DLG3: variants seen among roughly 807,000 people sequenced by gnomAD.
DLG3 encodes the protein discs large MAGUK scaffold protein 3, also known as disks large homolog 3.
In DLG3, 1 loss-of-function variant was observed where a neutral mutation model predicts 64.1. The ratio of observed to expected loss-of-function variants is 0.02; its 90% confidence interval spans 0.01 to 0.07. The LOEUF (loss-of-function observed/expected upper bound fraction) is 0.07. DLG3 is among the 10% of genes least tolerant of loss of function. The probability of loss-of-function intolerance (pLI) is 1.00; values close to 1 mark genes in which losing one functional copy is unlikely to be tolerated. For synonymous variants in DLG3, 245 were observed against 259.8 expected (o/e 0.94, Z 0.55); for missense variants, 429 against 669.5 (o/e 0.64, Z 3.96).
intron 7 of DLG3, chrX:70,452,826 C>T (rs2086639386): frequency 2.0e-6 from 2 of 1,008,785 alleles, no homozygotes; most frequent in East Asian, 6.4e-5. Flanking sequence ...AGACTGGGAG[C>T]AAGAAAGGAA....
At chrX:70,466,154 G>A (rs2086880292) in intron 9 of DLG3, among the ~76,000 whole-genome samples, 1 of 110,282 alleles carries the variant, frequency 9.1e-6, no homozygotes. Context: ...AATTTGATAG[G>A]TTAAAAATGT....
rs1273558251 is a variant in DLG3 at position 70,502,375 on chromosome X, G to A, written c.*106G>A. On this transcript the variant is annotated 3_prime_UTR_variant, in exon 19 of 19. Coordinates refer to ENST00000374360, the MANE Select transcript of DLG3 (RefSeq NM_021120.4). ...GGGGAGAACAAATGCTACTGTTCTT[G>A]TCCCCTTTTTTAGATATGTCAAAAA... is the stretch of plus-strand genomic sequence containing the variant. The A allele has an allele frequency of 1.2e-5, 7 of 568,915 alleles. No individual in the cohort carries two copies. Among genetic ancestry groups the A allele is most frequent in the Non-Finnish European group, 1.4e-5 (5 of 348,203 alleles). The allele number at this position is 568,915 out of a possible 1,213,427, so 46.9% of individuals were successfully genotyped here. A position where few individuals can be genotyped will look rare whatever the true frequency, so the allele number is the denominator to read the frequency against.
chrX:70,451,863 C>T lies in DLG3; in HGVS notation c.986-4C>T, dbSNP rs2086622091. On this transcript the variant is annotated splice_region_variant and splice_polypyrimidine_tract_variant and intron_variant, in intron 6 of 18. Coordinates refer to ENST00000374360, the MANE Select transcript of DLG3 (RefSeq NM_021120.4). The stretch of plus-strand genomic sequence containing the variant: ...GAACTTTTCTCTCCCTTTCTTGATT[C>T]CAGCTTTTACTGCCTTGGCTGACAA... 2.5e-6 allele frequency: 3 copies of T among 1,211,197 alleles called. No individual in the cohort carries two copies. Among genetic ancestry groups the T allele is most frequent in the Non-Finnish European group, 3.4e-6 (3 of 895,367 alleles).
intron 9 of DLG3, among the ~76,000 whole-genome samples, chrX:70,476,525 A>G (rs1410384010): frequency 8.9e-6 from 1 of 112,260 alleles, no homozygotes; most frequent in Non-Finnish European, 1.9e-5. Context: ...ATCTAAGTCT[A>G]TTCTAAACAG....
In DLG3 at chrX:70,469,911, A is replaced by C. The variant is rs199898646; in HGVS notation, c.1406-9239A>C. 2.7e-5 allele frequency among the ~76,000 whole-genome samples: 3 copies of C among 111,859 alleles called. No individual in the cohort carries two copies. In the East Asian group the frequency reaches 8.5e-4, roughly 32 times the overall value. ...TGTTATTTTTCACAATTGGTGACTT[A>C]TTTCTTTGAGCCTCAGGGCAGCTCA... is the stretch of plus-strand genomic sequence containing the variant. On this transcript the variant is annotated intron_variant, in intron 9 of 18. Coordinates refer to ENST00000374360, the MANE Select transcript of DLG3 (RefSeq NM_021120.4).
chrX:70,462,243 CTTTTTTTTTTTTTTT>C (rs141689653), intron 9 of DLG3, among the ~76,000 whole-genome samples: 1 of 46,984 alleles, frequency 2.1e-5, no homozygotes, highest in East Asian at 6.5e-4. Context: ...TTCTTTCTTT[CTTTTTTTTTTTTTTT>C]TTTTTTTTTG....
chrX:70,459,197 G>T (rs1053367465), intron 9 of DLG3, among the ~76,000 whole-genome samples: 13 of 112,143 alleles, frequency 1.2e-4, no homozygotes, highest in African/African-American at 4.2e-4. Flanking sequence ...GATCCTTTAT[G>T]ACCAGTCTTT....
intron 9 of DLG3, among the ~76,000 whole-genome samples, chrX:70,474,047 A>G (rs2087014228): frequency 8.9e-6 from 1 of 112,187 alleles, no homozygotes; most frequent in Non-Finnish European, 1.9e-5. Context: ...GCTGTATTCA[A>G]GGGGTCCAGG....
Position 70,464,160 on chromosome X carries a change from A to G in DLG3, c.1405+9844A>G, listed in dbSNP as rs986665505. On this transcript the variant is annotated intron_variant, in intron 9 of 18. Coordinates refer to ENST00000374360, the MANE Select transcript of DLG3 (RefSeq NM_021120.4). ...AGGTTACAGGTACTGCACCCAGCAT[A>G]GACTTTTATTTCCTTCCTTCCTTTT... 4.7e-4 allele frequency among the ~76,000 whole-genome samples: 51 copies of G among 109,514 alleles called. 1 individual carries two copies. Among genetic ancestry groups the G allele is most frequent in the Non-Finnish European group, 8.9e-4 (47 of 52,571 alleles).
intron 12 of DLG3, among the ~76,000 whole-genome samples, chrX:70,492,888 C>G (rs2087384342): frequency 1.8e-5 from 2 of 111,819 alleles, no homozygotes; most frequent in Admixed American, 1.9e-4. Context: ...TCGTGGGTGT[C>G]TCCCTGGCTA....
intron 12 of DLG3, among the ~76,000 whole-genome samples, chrX:70,492,810 C>T (rs929032033): frequency 8.9e-6 from 1 of 112,077 alleles, no homozygotes. Flanking sequence ...CCCTGGGTAC[C>T]GGCTCTTGAA....
At chrX:70,448,514 A>G in intron 1 of DLG3, 1 of 984,703 alleles carries the variant, frequency 1.0e-6, no homozygotes, top group Non-Finnish European at 1.4e-6. Flanking sequence ...GCCACTGGGT[A>G]TCCCCTATGG....
In DLG3 at chrX:70,453,547, C is replaced by T. The variant is rs144506011; in HGVS notation, c.1146-90C>T. ...TAGGGAACCACGTCCTTACTCCCTACAGCAAGTATGGACCTTGTTCCAGGC... is the reference window on the plus strand; with the variant it reads ...TAGGGAACCACGTCCTTACTCCCTATAGCAAGTATGGACCTTGTTCCAGGC... On this transcript the variant is annotated intron_variant, in intron 7 of 18. Transcript: ENST00000374360. 5.7e-4 allele frequency: 657 copies of T among 1,151,304 alleles called. 10 individuals carry two copies. The East Asian group carries it at 0.017, about 30-fold the overall frequency. 94.9% of individuals were successfully genotyped at this position (1,151,304 alleles called of 1,213,427 possible).
chrX:70,499,120 G>A, intron 14 of DLG3, 56 bp from the exon 15 acceptor site: 1 of 904,363 alleles, frequency 1.1e-6, no homozygotes. Context: ...CTCAGGGGTA[G>A]GACAGGCTGT....
intron 10 of DLG3, among the ~76,000 whole-genome samples, chrX:70,487,672 A>G (rs2087278273): frequency 8.9e-6 from 1 of 112,264 alleles, no homozygotes; most frequent in African/African-American, 3.2e-5. Context: ...TTTCTTTGAG[A>G]CAGAGTTTTG....
At chrX:70,495,332 A>G (rs1396097530) in intron 12 of DLG3, 76 bp from the exon 13 acceptor site, 7 of 975,319 alleles carry the variant, frequency 7.2e-6, no homozygotes, top group Non-Finnish European at 1.0e-5. Flanking sequence ...CCTCTCTTCC[A>G]TTCCCTCCCA....
In DLG3 at chrX:70,502,561, T is replaced by C. The variant is rs928972512; in HGVS notation, c.*292T>C. 2.8e-5 allele frequency: 7 copies of C among 248,501 alleles called. No homozygotes were observed. The highest frequency in any genetic ancestry group is 7.2e-6 in the Non-Finnish European group (1 of 139,739). The allele number at this position is 248,501 out of a possible 1,213,427, so 20.5% of individuals were successfully genotyped here. A position where few individuals can be genotyped will look rare whatever the true frequency, so the allele number is the denominator to read the frequency against. On this transcript the variant is annotated 3_prime_UTR_variant, in exon 19 of 19. Coordinates refer to ENST00000374360, the MANE Select transcript of DLG3 (RefSeq NM_021120.4). ...CAGGTGCAAAATCCATCAGAGCCAT[T>C]GTTTTCATAAAAACCAAGCAGAAGT...
chrX:70,495,317 C>T (rs1052643079), intron 12 of DLG3, 91 bp from the exon 13 acceptor site: 1 of 868,030 alleles, frequency 1.2e-6, no homozygotes, highest in African/African-American at 2.0e-5. Context: ...CTCCCCAAAT[C>T]TCTCCCTCTC....
intron 13 of DLG3, 67 bp from the exon 14 acceptor site, chrX:70,498,453 T>C: frequency 9.2e-7 from 1 of 1,081,390 alleles, no homozygotes. Flanking sequence ...AGGGGAGGGG[T>C]ACGGGGAGTA....
Sources: allele counts gnomAD v4.1 joint callset (sites outside exome capture counted in the v4.1 genomes callset), GRCh38; gene constraint gnomAD v4.1.1; transcripts MANE v1.5; gene names NCBI Gene and HGNC (gene_info 2026-07-23, HGNC 2026-07-21).